Variants in CNOT6 observed in about 807,000 individuals in gnomAD.
CNOT6 encodes the protein CCR4-NOT transcription complex subunit 6, also known as carbon catabolite repression 4 protein.
CNOT6 carries 12 observed loss-of-function variants against 61.2 expected under a neutral mutation model. The ratio of observed to expected loss-of-function variants is 0.20; its 90% CI spans 0.13 to 0.32. The LOEUF is 0.32. Among genes scored for constraint, CNOT6 ranks in the 10% least tolerant of loss-of-function variants. The probability of loss-of-function intolerance (pLI) is 1.00; values close to 1 mark genes in which losing one functional copy is unlikely to be tolerated. For missense variants in CNOT6, 405 were observed against 663.9 expected, an observed-to-expected ratio of 0.61 and a Z score of 4.28; for synonymous variants, 225 against 240.6, an observed-to-expected ratio of 0.94 and a Z score of 0.60.
chr5:180,575,082 T>C lies in CNOT6; in HGVS notation c.*882T>C, dbSNP rs1760946658. ...CTTTTTAAAGTTAAAAACCTACAGC[T>C]GCTTAGGTCCAGCTTCTTAACTCTT... On this transcript the variant is annotated 3_prime_UTR_variant, in exon 12 of 12. Coordinates refer to ENST00000261951, the MANE Select transcript of CNOT6 (RefSeq NM_001370472.1). The C allele has an allele frequency of 6.5e-6, 1 of 152,804 alleles. No individual in the cohort carries two copies. The highest frequency in any genetic ancestry group is 2.4e-5 in the African/African-American group (1 of 41,596). 9.5% of individuals were successfully genotyped at this position (152,804 alleles called of 1,614,324 possible). A position where few individuals can be genotyped will look rare whatever the true frequency, so the allele number is the denominator to read the frequency against.
At chr5:180,538,821 G>C (rs1229527526) in intron 2 of CNOT6, among the ~76,000 whole-genome samples, 1 of 151,638 alleles carries the variant, frequency 6.6e-6, no homozygotes, top group Non-Finnish European at 1.5e-5. Context: ...GGAGGTTACA[G>C]TGAGCTGAGA....
At position 180,529,196 on chromosome 5, in the gene CNOT6, T is replaced by C. The variant is rs1193897505; in HGVS notation, c.-2-79T>C. On this transcript the variant is annotated intron_variant, in intron 1 of 11. Coordinates refer to ENST00000261951, the MANE Select transcript of CNOT6 (RefSeq NM_001370472.1). ...CTGGGTGACAGAGTCAGACTTCGTCTCAAAAAAAAAAAAAAAAGGTGTTGT... is the reference window on the plus strand; with the variant it reads ...CTGGGTGACAGAGTCAGACTTCGTCCCAAAAAAAAAAAAAAAAGGTGTTGT... The C allele has an allele frequency of 6.8e-6, 4 of 590,382 alleles. No homozygotes were observed. The Admixed American group carries it at 1.0e-4, about 15-fold the overall frequency. The allele number at this position is 590,382 out of a possible 1,614,324, so 36.6% of individuals were successfully genotyped here.
intron 2 of CNOT6, among the ~76,000 whole-genome samples, chr5:180,546,622 T>G (rs1431077136): frequency 6.6e-6 from 1 of 152,242 alleles, no homozygotes; most frequent in African/African-American, 2.4e-5. Flanking sequence ...CTTTAAGTAG[T>G]CAATTACATT....
At chr5:180,570,484 T>A (rs2127767097) in intron 10 of CNOT6, among the ~76,000 whole-genome samples, 2 of 152,368 alleles carry the variant, frequency 1.3e-5, no homozygotes, top group South Asian at 4.1e-4. Context: ...TTACTGCCCC[T>A]GAAGCAGTTG....
intron 1 of CNOT6, among the ~76,000 whole-genome samples, chr5:180,499,788 CAG>C (rs1160098719): frequency 6.6e-6 from 1 of 152,158 alleles, no homozygotes; most frequent in Non-Finnish European, 1.5e-5. Context: ...AAAGGGATGT[CAG>C]AAAGGTTGCT....
intron 2 of CNOT6, among the ~76,000 whole-genome samples, chr5:180,543,465 A>G (rs554558997): frequency 4.9e-4 from 74 of 152,372 alleles, no homozygotes; most frequent in African/African-American, 1.7e-3. Context: ...TAACTATTTC[A>G]TTCTAAAAGA....
At chr5:180,569,391 T>C (rs910806809) in intron 10 of CNOT6, 51 bp downstream of exon 10, 18 of 1,360,548 alleles carry the variant, frequency 1.3e-5, no homozygotes, top group Non-Finnish European at 1.7e-5. Context: ...ATAAGATGAT[T>C]TAGTAATGTT....
At chr5:180,551,226 A>G (rs1483482106) in intron 3 of CNOT6, among the ~76,000 whole-genome samples, 1 of 151,202 alleles carries the variant, frequency 6.6e-6, no homozygotes, top group Non-Finnish European at 1.5e-5. Context: ...GCTTCGTGGC[A>G]TGCACCTGTA....
intron 1 of CNOT6, among the ~76,000 whole-genome samples, chr5:180,513,865 G>A (rs1334997666): frequency 6.6e-6 from 1 of 151,296 alleles, no homozygotes; most frequent in Non-Finnish European, 1.5e-5. Context: ...CACCACGCCC[G>A]GCTAATTTTT....
chr5:180,521,659 A>G (rs1380836785), intron 1 of CNOT6, among the ~76,000 whole-genome samples: 1 of 152,204 alleles, frequency 6.6e-6, no homozygotes, highest in East Asian at 1.9e-4. Context: ...AAATGATCCC[A>G]TCACACAGGT....
At chr5:180,548,519 T>A (rs977382647) in intron 2 of CNOT6, among the ~76,000 whole-genome samples, 1 of 152,210 alleles carries the variant, frequency 6.6e-6, no homozygotes, top group Non-Finnish European at 1.5e-5. Context: ...CCCTGGACTT[T>A]CTGTCTCTGG....
At chr5:180,508,887 A>G (rs914460340) in intron 1 of CNOT6, among the ~76,000 whole-genome samples, 1 of 150,648 alleles carries the variant, frequency 6.6e-6, no homozygotes, top group Non-Finnish European at 1.5e-5. Flanking sequence ...CAGTGGCGTG[A>G]TCCTGGCTCG....
In CNOT6 at chr5:180,541,441, A is replaced by ATTT. The variant is rs1163850404; in HGVS notation, c.113-8464_113-8462dup. Among the ~76,000 whole-genome samples, 586 of 106,522 alleles carry ATTT rather than the reference A, an allele frequency of 5.5e-3. 36 individuals are homozygous for ATTT. The highest frequency in any genetic ancestry group is 0.011 in the African/African-American group (268 of 24,570). The allele number at this position is 106,522 out of a possible 152,430, so 69.9% of individuals were successfully genotyped here. A position where few individuals can be genotyped will look rare whatever the true frequency, so the allele number is the denominator to read the frequency against. On this transcript the variant is annotated intron_variant, in intron 2 of 11. Coordinates refer to ENST00000261951, the MANE Select transcript of CNOT6 (RefSeq NM_001370472.1). ...ATGAACCACCACAACTGGCCAAGAA[A>ATTT]TTTTTTTTTTTTTTTTTTTTTTTTT...
chr5:180,553,000 A>G (rs1431182706), intron 3 of CNOT6, among the ~76,000 whole-genome samples: 1 of 150,512 alleles, frequency 6.6e-6, no homozygotes, highest in Admixed American at 6.6e-5. Context: ...TGTGTAGTAG[A>G]CCCCATGTGT....
chr5:180,546,723 A>G (rs1252260176), intron 2 of CNOT6, among the ~76,000 whole-genome samples: 1 of 152,168 alleles, frequency 6.6e-6, no homozygotes, highest in Non-Finnish European at 1.5e-5. Flanking sequence ...TCCATCTGGT[A>G]TTTTATTTCT....
At chr5:180,560,234 C>T (rs1169480071) in intron 4 of CNOT6, among the ~76,000 whole-genome samples, 3 of 151,960 alleles carry the variant, frequency 2.0e-5, no homozygotes, top group African/African-American at 4.8e-5. Context: ...TGTGAGCCAC[C>T]GTATTGGGCC....
chr5:180,563,654 C>T (rs1760305357), intron 4 of CNOT6, among the ~76,000 whole-genome samples: 1 of 152,102 alleles, frequency 6.6e-6, no homozygotes, highest in South Asian at 2.1e-4. Context: ...CATCTTTGAC[C>T]ATTTTATCTG....
At chr5:180,498,329 A>C (rs545956426) in intron 1 of CNOT6, among the ~76,000 whole-genome samples, 1 of 152,356 alleles carries the variant, frequency 6.6e-6, no homozygotes, top group African/African-American at 2.4e-5. Flanking sequence ...AAGACAAATA[A>C]TACTCCGATT....
intron 2 of CNOT6, among the ~76,000 whole-genome samples, chr5:180,544,898 A>G (rs1393594536): frequency 1.3e-5 from 2 of 152,180 alleles, no homozygotes; most frequent in African/African-American, 4.8e-5. Context: ...GTTAAAGGCT[A>G]CTGTGAGCTA....
Sources: gnomAD v4.1 joint callset for allele counts (sites outside exome capture counted in the v4.1 genomes callset) on GRCh38, gnomAD v4.1.1 for gene constraint, MANE v1.5 for transcripts, NCBI Gene and HGNC (gene_info 2026-07-23, HGNC 2026-07-21) for gene names.